Variants in ARB2A observed in about 807,000 individuals in gnomAD.
ARB2A encodes the protein cotranscriptional regulator ARB2A.
At chr5:94,011,936 CAA>C in the ARB2A span, among the ~76,000 whole-genome samples, 567 of 30,144 alleles carry the variant, frequency 0.019, no homozygotes, top group African/African-American at 0.066. Flanking sequence ...AAAGGGTAGA[CAA>C]AAAAAAAAAA....
the ARB2A span, among the ~76,000 whole-genome samples, chr5:93,901,054 C>T: frequency 6.6e-6 from 1 of 152,140 alleles, no homozygotes; most frequent in African/African-American, 2.4e-5. Flanking sequence ...CTGGTTCCTT[C>T]TCCATTCTTC....
the ARB2A span, among the ~76,000 whole-genome samples, chr5:93,674,739 T>C: frequency 6.6e-6 from 1 of 152,348 alleles, no homozygotes; most frequent in African/African-American, 2.4e-5. Flanking sequence ...ACATAAAGCA[T>C]TATGCTTGTA....
chr5:93,709,694 A>T, the ARB2A span, among the ~76,000 whole-genome samples: 1 of 150,980 alleles, frequency 6.6e-6, no homozygotes. Flanking sequence ...TAAATTGCAG[A>T]TTATATATAT....
chr5:94,093,308 A>C, the ARB2A span, among the ~76,000 whole-genome samples: 1 of 152,164 alleles, frequency 6.6e-6, no homozygotes, highest in Non-Finnish European at 1.5e-5. Context: ...GCGGCCATAC[A>C]AAATACCATA....
At chr5:93,899,927 G>GT in the ARB2A span, among the ~76,000 whole-genome samples, 4 of 152,120 alleles carry the variant, frequency 2.6e-5, no homozygotes, top group Non-Finnish European at 5.9e-5. Flanking sequence ...AATAAATGTT[G>GT]TTTAGATACA....
At chr5:93,834,340 C>A in the ARB2A span, among the ~76,000 whole-genome samples, 3 of 152,154 alleles carry the variant, frequency 2.0e-5, no homozygotes, top group African/African-American at 4.8e-5. Flanking sequence ...ACGACAGTGA[C>A]ACTGGGTCAT....
the ARB2A span, chr5:93,740,446 A>T: frequency 2.0e-6 from 2 of 999,854 alleles, no homozygotes; most frequent in Non-Finnish European, 2.9e-6. Flanking sequence ...CCTACTATGT[A>T]TCCTTAACTT....
chr5:93,922,769 A>G, the ARB2A span, among the ~76,000 whole-genome samples: 5 of 151,990 alleles, frequency 3.3e-5, no homozygotes, highest in Non-Finnish European at 4.4e-5. Flanking sequence ...AAGACATAGA[A>G]GATACAGTGC....
chr5:94,017,886 C>T, the ARB2A span, among the ~76,000 whole-genome samples: 1 of 152,018 alleles, frequency 6.6e-6, no homozygotes, highest in African/African-American at 2.4e-5. Context: ...TGGGAGGGAC[C>T]CAGGGGGAGG....
the ARB2A span, among the ~76,000 whole-genome samples, chr5:94,103,379 CAA>C: frequency 6.6e-6 from 1 of 151,814 alleles, no homozygotes; most frequent in Non-Finnish European, 1.5e-5. Context: ...TAATTTGAGA[CAA>C]AACAGACTTG....
At chr5:94,087,518 T>C in the ARB2A span, among the ~76,000 whole-genome samples, 2 of 152,198 alleles carry the variant, frequency 1.3e-5, no homozygotes, top group Admixed American at 6.5e-5. Flanking sequence ...TACTGTAAAG[T>C]AAAAAAGTTA....
At chr5:93,923,882 T>C in the ARB2A span, among the ~76,000 whole-genome samples, 3 of 152,166 alleles carry the variant, frequency 2.0e-5, no homozygotes, top group African/African-American at 7.2e-5. Context: ...AAACATGTTA[T>C]AGAAGTTCAT....
chr5:93,825,737 G>C, the ARB2A span, among the ~76,000 whole-genome samples: 2 of 151,922 alleles, frequency 1.3e-5, no homozygotes, highest in African/African-American at 4.8e-5. Context: ...GAGCACATTA[G>C]AATTATATAG....
chr5:93,989,806 G>A, the ARB2A span, among the ~76,000 whole-genome samples: 2 of 152,050 alleles, frequency 1.3e-5, no homozygotes, highest in African/African-American at 4.8e-5. Context: ...CAAGAAAAAT[G>A]AAGAGTCCAT....
chr5:93,645,229 T>A, the ARB2A span, among the ~76,000 whole-genome samples: 1 of 152,206 alleles, frequency 6.6e-6, no homozygotes, highest in Non-Finnish European at 1.5e-5. Context: ...GGGCAGCATA[T>A]GGGTCTCAGT....
At chr5:93,938,658 A>G in the ARB2A span, among the ~76,000 whole-genome samples, 1 of 152,226 alleles carries the variant, frequency 6.6e-6, no homozygotes, top group Admixed American at 6.5e-5. Flanking sequence ...TTCACCGTAC[A>G]GTGCCACAGG....
chr5:93,685,387 ACT>A, the ARB2A span, among the ~76,000 whole-genome samples: 2 of 152,130 alleles, frequency 1.3e-5, no homozygotes, highest in African/African-American at 4.8e-5. Flanking sequence ...AGGATAAAAG[ACT>A]CTGATAATAA....
chr5:93,751,002 T>C, the ARB2A span, among the ~76,000 whole-genome samples: 5 of 152,218 alleles, frequency 3.3e-5, no homozygotes, highest in Non-Finnish European at 5.9e-5. Context: ...TTAAAACTTC[T>C]GAAATATTAG....
the ARB2A span, among the ~76,000 whole-genome samples, chr5:93,874,810 T>C: frequency 6.6e-6 from 1 of 152,066 alleles, no homozygotes; most frequent in African/African-American, 2.4e-5. Flanking sequence ...CAACAGAAAT[T>C]GCAGAATTGG....
Sources: gnomAD v4.1 joint callset for allele counts (sites outside exome capture counted in the v4.1 genomes callset) on GRCh38, gnomAD v4.1.1 for gene constraint, MANE v1.5 for transcripts, NCBI Gene and HGNC (gene_info 2026-07-23, HGNC 2026-07-21) for gene names.